GRIA4: variants seen among roughly 807,000 people sequenced by gnomAD.
GRIA4 encodes the protein glutamate ionotropic receptor AMPA type subunit 4.
In GRIA4, 34 loss-of-function variants were observed where a neutral mutation model predicts 104.0. The observed-to-expected ratio is 0.33, with a 90% confidence interval of 0.25 to 0.44. The LOEUF is 0.44. Ranked by LOEUF, GRIA4 falls within the 20% of genes least tolerant of loss-of-function variation. The pLI is 1.00. For missense variants in GRIA4, 750 were observed against 1,096.5 expected, an observed-to-expected ratio of 0.68 and a Z score of 4.46; for synonymous variants, 386 against 381.9, an observed-to-expected ratio of 1.01 and a Z score of -0.13.
intron 15 of GRIA4, among the ~76,000 whole-genome samples, chr11:105,973,456 A>G (rs941775285): frequency 2.6e-5 from 4 of 152,106 alleles, no homozygotes; most frequent in Non-Finnish European, 5.9e-5. Context: ...TTACGAGATT[A>G]TATGTATACT....
intron 14 of GRIA4, chr11:105,945,510 G>A: frequency 1.1e-6 from 1 of 941,344 alleles, no homozygotes; most frequent in Non-Finnish European, 1.3e-6. Flanking sequence ...AGGTAAGAGG[G>A]GAGTTTTCTT....
At chr11:105,765,408 C>A (rs1395831519) in intron 4 of GRIA4, among the ~76,000 whole-genome samples, 1 of 152,158 alleles carries the variant, frequency 6.6e-6, no homozygotes, top group Non-Finnish European at 1.5e-5. Flanking sequence ...TAAGAGTCAT[C>A]TACATTAGAC....
At chr11:105,626,202 A>C (rs1261252800) in intron 3 of GRIA4, among the ~76,000 whole-genome samples, 2 of 152,070 alleles carry the variant, frequency 1.3e-5, no homozygotes, top group Non-Finnish European at 2.9e-5. Flanking sequence ...AACAAACATA[A>C]GGGCCGTGAA....
intron 5 of GRIA4, among the ~76,000 whole-genome samples, chr11:105,875,059 A>G (rs909285691): frequency 1.3e-5 from 2 of 152,186 alleles, no homozygotes; most frequent in Admixed American, 1.3e-4. Context: ...TTTGTCATGA[A>G]TAGCTCTTAT....
At chr11:105,747,066 T>C (rs1939703614) in intron 3 of GRIA4, among the ~76,000 whole-genome samples, 1 of 152,206 alleles carries the variant, frequency 6.6e-6, no homozygotes, top group Admixed American at 6.6e-5. Flanking sequence ...TTTGACGTAT[T>C]TATCTGCTCT....
chr11:105,900,233 G>A (rs1946804550), intron 7 of GRIA4, among the ~76,000 whole-genome samples: 1 of 152,228 alleles, frequency 6.6e-6, no homozygotes, highest in African/African-American at 2.4e-5. Context: ...AAATAATGTG[G>A]ATTGATTATA....
At chr11:105,751,498 G>T (rs185412090) in intron 3 of GRIA4, among the ~76,000 whole-genome samples, 2 of 152,282 alleles carry the variant, frequency 1.3e-5, no homozygotes, top group African/African-American at 2.4e-5. Flanking sequence ...CAGTCACATT[G>T]TCAGAGCAAG....
At chr11:105,768,913 G>A (rs957310585) in intron 4 of GRIA4, among the ~76,000 whole-genome samples, 1 of 152,020 alleles carries the variant, frequency 6.6e-6, no homozygotes, top group Non-Finnish European at 1.5e-5. Context: ...GTTCTAAGTA[G>A]GAGGTAGAAT....
chr11:105,830,058 G>T (rs1943917460), intron 4 of GRIA4, among the ~76,000 whole-genome samples: 2 of 151,954 alleles, frequency 1.3e-5, no homozygotes, highest in African/African-American at 4.8e-5. Context: ...ATACTACTTT[G>T]ATTCTCTATT....
At chr11:105,776,480 T>C (rs537005600) in intron 4 of GRIA4, among the ~76,000 whole-genome samples, 14 of 152,296 alleles carry the variant, frequency 9.2e-5, no homozygotes, top group South Asian at 4.1e-4. Flanking sequence ...AACAGAGAGA[T>C]TGATTCATAA....
intron 4 of GRIA4, among the ~76,000 whole-genome samples, chr11:105,830,150 T>A (rs902193880): frequency 1.3e-5 from 2 of 151,960 alleles, no homozygotes; most frequent in Non-Finnish European, 2.9e-5. Context: ...TTCTGTATGC[T>A]GAAAATTTCA....
At chr11:105,886,510 C>A (rs1213642914) in intron 5 of GRIA4, among the ~76,000 whole-genome samples, 1 of 148,606 alleles carries the variant, frequency 6.7e-6, no homozygotes, top group African/African-American at 2.5e-5. Flanking sequence ...CCCTTCCCTG[C>A]CTCTGATAAC....
At chr11:105,788,674 T>C (rs758191546) in intron 4 of GRIA4, among the ~76,000 whole-genome samples, 26 of 152,246 alleles carry the variant, frequency 1.7e-4, no homozygotes, top group Non-Finnish European at 3.4e-4. Context: ...TTCTCACTTA[T>C]AAGTGGGAGC....
chr11:105,862,991 G>A lies in GRIA4; in HGVS notation c.672+783G>A, dbSNP rs147483161. ...AATGCCATCTAGTGGTTTTAGAAAT[G>A]CTTGCTCATATTATCTACAATACGT... On this transcript the variant is annotated intron_variant, in intron 5 of 16. Coordinates refer to ENST00000282499, the MANE Select transcript of GRIA4 (RefSeq NM_000829.4). Among the ~76,000 whole-genome samples, 438 of 152,242 alleles carry A rather than the reference G, an allele frequency of 2.9e-3. 3 individuals are homozygous for A. Among genetic ancestry groups the A allele is most frequent in the African/African-American group, 9.8e-3 (409 of 41,534 alleles).
intron 3 of GRIA4, among the ~76,000 whole-genome samples, chr11:105,703,853 T>G (rs1317599642): frequency 1.3e-5 from 2 of 152,164 alleles, no homozygotes; most frequent in South Asian, 2.1e-4. Flanking sequence ...TTAACCTATG[T>G]CATCTAACCT....
Position 105,890,078 on chromosome 11 carries a change from T to A in GRIA4, c.726+2506T>A, listed in dbSNP as rs927100190. On this transcript the variant is annotated intron_variant, in intron 6 of 16. Coordinates refer to ENST00000282499, the MANE Select transcript of GRIA4 (RefSeq NM_000829.4). ...TTTAAAATATTCTGTAGTCATAATG[T>A]AGAATATAAAAGCAGAAGGTATGAA... Among the ~76,000 whole-genome samples, 5 of 152,282 alleles carry A rather than the reference T, an allele frequency of 3.3e-5. No individual in the cohort carries two copies. In the East Asian group the frequency reaches 9.7e-4, roughly 29 times the overall value.
At chr11:105,854,956 T>A (rs565491568) in intron 4 of GRIA4, among the ~76,000 whole-genome samples, 1 of 152,338 alleles carries the variant, frequency 6.6e-6, no homozygotes, top group East Asian at 1.9e-4. Flanking sequence ...TAATATCTAC[T>A]TCACAGGGCT....
At chr11:105,816,367 C>T (rs1943375375) in intron 4 of GRIA4, among the ~76,000 whole-genome samples, 1 of 152,024 alleles carries the variant, frequency 6.6e-6, no homozygotes, top group African/African-American at 2.4e-5. Flanking sequence ...GGTTTACCAC[C>T]ATCCCTCTTG....
intron 4 of GRIA4, among the ~76,000 whole-genome samples, chr11:105,822,186 C>T (rs1409661750): frequency 2.0e-5 from 3 of 152,062 alleles, no homozygotes; most frequent in African/African-American, 7.2e-5. Context: ...AATTTCATGA[C>T]TGGCATGCAA....
Sources: gnomAD v4.1 joint callset for allele counts (sites outside exome capture counted in the v4.1 genomes callset) on GRCh38, gnomAD v4.1.1 for gene constraint, MANE v1.5 for transcripts, NCBI Gene and HGNC (gene_info 2026-07-23, HGNC 2026-07-21) for gene names.